The following RRM2 variants were observed in gnomAD, a reference collection of about 807,000 sequenced individuals.
RRM2 encodes the protein ribonucleotide reductase regulatory subunit M2.
A neutral mutation model predicts 45.9 loss-of-function variants in RRM2; 6 were observed. The ratio of observed to expected loss-of-function variants is 0.13; its 90% CI spans 0.07 to 0.26. The LOEUF is 0.26. RRM2 is among the 10% of genes least tolerant of loss of function. RRM2 has a pLI of 1.00. For missense variants in RRM2, 343 were observed against 489.5 expected, an observed-to-expected ratio of 0.70 and a Z score of 2.82; for synonymous variants, 177 against 173.0, an observed-to-expected ratio of 1.02 and a Z score of -0.18.
chr2:10,144,034 A>G (rs1048398580), intron 3 of RRM2, among the ~76,000 whole-genome samples: 18 of 152,172 alleles, frequency 1.2e-4, no homozygotes, highest in African/African-American at 4.1e-4. Context: ...GTGGCTGTGG[A>G]TCTGACAGAA....
chr2:10,183,104 G>C lies in RRM2; in HGVS notation n.483-27207G>C, dbSNP rs576342184. On this transcript the variant is annotated intron_variant and non_coding_transcript_variant, in intron 3 of 3. Coordinates refer to the RRM2 transcript ENST00000381786. ...GAGGATGGCTTGAGCCCTGGAATTCGAGACTGCAGCGAACTATGATGGCAC... is the reference window on the plus strand; with the variant it reads ...GAGGATGGCTTGAGCCCTGGAATTCCAGACTGCAGCGAACTATGATGGCAC... 2.8e-4 allele frequency among the ~76,000 whole-genome samples: 43 copies of C among 152,306 alleles called. 1 individual carries two copies. The highest frequency in any genetic ancestry group is 1.0e-3 in the African/African-American group (43 of 41,562).
rs1457626782 is a variant in RRM2 at position 10,194,878 on chromosome 2, G to A, written n.483-15433G>A. Among the ~76,000 whole-genome samples, 7 of 152,310 alleles carry A rather than the reference G, an allele frequency of 4.6e-5. No homozygotes were observed. In the East Asian group the frequency reaches 9.7e-4, roughly 21 times the overall value. ...CTCCTTGGCATGGTGGGAAACATGC[G>A]AGTTCCATTTCTGAGGCTGCCTTGT... On this transcript the variant is annotated intron_variant and non_coding_transcript_variant, in intron 3 of 3. Transcript: ENST00000381786.
At chr2:10,194,257 GCCT>G (rs1664367287) in intron 3 of RRM2, among the ~76,000 whole-genome samples, 1 of 152,164 alleles carries the variant, frequency 6.6e-6, no homozygotes, top group South Asian at 2.1e-4. Context: ...GTGGACAAAG[GCCT>G]CCTGGGACAG....
At chr2:10,209,585 G>C (rs1227857942) in intron 3 of RRM2, among the ~76,000 whole-genome samples, 1 of 144,658 alleles carries the variant, frequency 6.9e-6, no homozygotes, top group Non-Finnish European at 1.5e-5. Flanking sequence ...ATGTGTGTGT[G>C]TGTGTGCGCG....
At chr2:10,125,226 C>A (rs1439843681) in intron 5 of RRM2, among the ~76,000 whole-genome samples, 2 of 152,132 alleles carry the variant, frequency 1.3e-5, no homozygotes, top group African/African-American at 2.4e-5. Flanking sequence ...TCCTAAGAAG[C>A]CTGCAGTATA....
chr2:10,124,540 C>T (rs1662741169), intron 4 of RRM2, among the ~76,000 whole-genome samples, 177 bp from the exon 5 acceptor site: 1 of 152,090 alleles, frequency 6.6e-6, no homozygotes, highest in Non-Finnish European at 1.5e-5. Context: ...GTATCTATTT[C>T]CTGATATGTA....
chr2:10,159,487 C>T (rs1427705517), intron 3 of RRM2, among the ~76,000 whole-genome samples: 1 of 152,198 alleles, frequency 6.6e-6, no homozygotes, highest in East Asian at 1.9e-4. Flanking sequence ...GTTCCATGCA[C>T]TGAATTTGAC....
chr2:10,170,217 AC>A (rs1663770953), intron 3 of RRM2, among the ~76,000 whole-genome samples: 1 of 152,020 alleles, frequency 6.6e-6, no homozygotes, highest in Non-Finnish European at 1.5e-5. Context: ...TTTCCCAATT[AC>A]CTTTCATATT....
At chr2:10,165,827 A>G (rs758406007) in intron 3 of RRM2, among the ~76,000 whole-genome samples, 27 of 152,228 alleles carry the variant, frequency 1.8e-4, no homozygotes, top group Non-Finnish European at 3.2e-4. Context: ...GCAGGGGTCC[A>G]GGGCCTGCTG....
chr2:10,163,242 A>T (rs1663605589), intron 3 of RRM2, among the ~76,000 whole-genome samples: 1 of 150,114 alleles, frequency 6.7e-6, no homozygotes, highest in Non-Finnish European at 1.5e-5. Context: ...GGCTGCAGGG[A>T]GAGGGGGAGC....
At chr2:10,160,671 C>T (rs1412363677) in intron 3 of RRM2, among the ~76,000 whole-genome samples, 1 of 152,240 alleles carries the variant, frequency 6.6e-6, no homozygotes, top group East Asian at 1.9e-4. Context: ...GCAGACCACC[C>T]CCGCCTGCCA....
rs1287833274 is a variant in RRM2 at position 10,204,062 on chromosome 2, C to T, written n.483-6249C>T. Among the ~76,000 whole-genome samples, 7 of 152,172 alleles carry T rather than the reference C, an allele frequency of 4.6e-5. No individual in the cohort carries two copies. The East Asian group carries it at 1.4e-3, about 30-fold the overall frequency. On this transcript the variant is annotated intron_variant and non_coding_transcript_variant, in intron 3 of 3. Transcript: ENST00000381786. The surrounding 1 kb of genome is among the most constrained non-coding windows in gnomAD (Gnocchi z 4.0). ...TGTGATTTTCTGAGCATACTTTAGCCTTCTAGCACACTCCTCTCTTCCCCT... is the reference window on the plus strand; with the variant it reads ...TGTGATTTTCTGAGCATACTTTAGCTTTCTAGCACACTCCTCTCTTCCCCT...
At chr2:10,164,135 T>C (rs1263116156) in intron 3 of RRM2, among the ~76,000 whole-genome samples, 2 of 152,146 alleles carry the variant, frequency 1.3e-5, no homozygotes, top group Non-Finnish European at 2.9e-5. Context: ...TTAAATAGTG[T>C]ATGTATTTTT....
intron 3 of RRM2, among the ~76,000 whole-genome samples, chr2:10,183,099 A>C (rs775846699): frequency 9.2e-5 from 14 of 152,186 alleles, no homozygotes; most frequent in Admixed American, 3.3e-4. Context: ...TGAGCCCTGG[A>C]ATTCGAGACT....
exon 3 of RRM2, chr2:10,142,290 C>G (rs897514218): frequency 1.4e-6 from 2 of 1,417,694 alleles, no homozygotes; most frequent in African/African-American, 2.9e-5. Context: ...ACCAGCCTTA[C>G]GTCTTGAAAG....
chr2:10,193,895 A>C (rs1161911001), intron 3 of RRM2, among the ~76,000 whole-genome samples: 1 of 152,228 alleles, frequency 6.6e-6, no homozygotes, highest in African/African-American at 2.4e-5. Flanking sequence ...GTTTGGATTA[A>C]TTGGCACAGG....
At chr2:10,182,370 A>AAAC (rs1558400074) in intron 3 of RRM2, among the ~76,000 whole-genome samples, 19 of 147,978 alleles carry the variant, frequency 1.3e-4, no homozygotes, top group African/African-American at 4.7e-4. Flanking sequence ...AACAAACAAA[A>AAAC]AAAAACCCAA....
chr2:10,187,797 T>C (rs1247994609), intron 3 of RRM2, among the ~76,000 whole-genome samples: 1 of 152,156 alleles, frequency 6.6e-6, no homozygotes, highest in African/African-American at 2.4e-5. Flanking sequence ...CATGATTCGG[T>C]TGGGAACAGA....
chr2:10,206,896 A>G (rs987334237), intron 3 of RRM2, among the ~76,000 whole-genome samples: 5 of 152,226 alleles, frequency 3.3e-5, no homozygotes, highest in African/African-American at 1.2e-4. Context: ...AAGATTCTTG[A>G]AGGATGAGGG....
Sources: gnomAD v4.1 joint callset for allele counts (sites outside exome capture counted in the v4.1 genomes callset) on GRCh38, gnomAD v4.1.1 for gene constraint, Gnocchi (gnomAD v3.1) non-coding constraint, MANE v1.5 for transcripts, NCBI Gene and HGNC (gene_info 2026-07-23, HGNC 2026-07-21) for gene names.